EFCAB6: variants seen among roughly 807,000 people sequenced by gnomAD.
The protein encoded by EFCAB6 is EF-hand calcium-binding domain-containing protein 6.
In EFCAB6, 156 loss-of-function variants were observed where a neutral mutation model predicts 169.8. The observed-to-expected ratio is 0.92, with a 90% CI of 0.81 to 1.05. The LOEUF is 1.05. Ranked by LOEUF, EFCAB6 falls within the 50% of genes least tolerant of loss-of-function variation. The probability of loss-of-function intolerance (pLI) is 0.00; values close to 1 mark genes in which losing one functional copy is unlikely to be tolerated. For synonymous variants in EFCAB6, 698 were observed against 676.4 expected, an observed-to-expected ratio of 1.03 and a Z score of -0.50; for missense variants, 1,800 against 1,829.1, an observed-to-expected ratio of 0.98 and a Z score of 0.29.
At chr22:43,766,315 G>T (rs969479078) in intron 4 of EFCAB6, among the ~76,000 whole-genome samples, 3 of 151,830 alleles carry the variant, frequency 2.0e-5, no homozygotes, top group Non-Finnish European at 2.9e-5. Flanking sequence ...TTACAGGCAT[G>T]AGCCACCACA....
At chr22:43,599,974 G>A in intron 23 of EFCAB6, 95 bp downstream of exon 23, 4 of 1,319,486 alleles carry the variant, frequency 3.0e-6, no homozygotes, top group South Asian at 2.8e-5. Flanking sequence ...AACTTTGCCA[G>A]CATGGGAAGG....
intron 6 of EFCAB6, among the ~76,000 whole-genome samples, chr22:43,753,625 A>G (rs1466692306): frequency 3.3e-5 from 5 of 152,210 alleles, no homozygotes; most frequent in Admixed American, 2.6e-4. Flanking sequence ...GAGCATGAAC[A>G]TGAGCGTCGG....
intron 26 of EFCAB6, chr22:43,570,157 A>G (rs374492784): frequency 6.6e-6 from 1 of 152,218 alleles, no homozygotes; most frequent in East Asian, 1.9e-4. Context: ...GTTATTTAAC[A>G]TATAACTGAA....
At chr22:43,638,936 C>T (rs2055618593) in intron 17 of EFCAB6, among the ~76,000 whole-genome samples, 1 of 152,002 alleles carries the variant, frequency 6.6e-6, no homozygotes, top group Non-Finnish European at 1.5e-5. Flanking sequence ...CAGACATGTG[C>T]CACCATGCCC....
intron 19 of EFCAB6, 61 bp downstream of exon 19, chr22:43,632,044 G>A (rs2054984423): frequency 6.3e-7 from 1 of 1,588,852 alleles, no homozygotes. Context: ...ACCCACTTGG[G>A]CTGCGTGGTT....
chr22:43,683,992 G>A (rs1437482366), intron 11 of EFCAB6, 137 bp from the exon 12 acceptor site: 2 of 650,366 alleles, frequency 3.1e-6, no homozygotes, highest in Non-Finnish European at 5.4e-6. Flanking sequence ...CTGACAGTGT[G>A]CTGCACTTGT....
chr22:43,752,477 T>C (rs1299322045), intron 6 of EFCAB6, among the ~76,000 whole-genome samples: 2 of 152,180 alleles, frequency 1.3e-5, no homozygotes, highest in Non-Finnish European at 2.9e-5. Flanking sequence ...CATCCGCCCT[T>C]CTTGGGTGGC....
At chr22:43,696,438 T>C (rs1253147506) in intron 10 of EFCAB6, among the ~76,000 whole-genome samples, 1 of 152,188 alleles carries the variant, frequency 6.6e-6, no homozygotes, top group East Asian at 1.9e-4. Context: ...CCAATTTTAC[T>C]ATTAGACATG....
intron 8 of EFCAB6, among the ~76,000 whole-genome samples, chr22:43,720,348 A>AT (rs1369382822): frequency 3.4e-5 from 2 of 59,318 alleles, no homozygotes; most frequent in East Asian, 1.6e-3. Context: ...TCTACAAAAG[A>AT]TTAAAAAAAA....
At chr22:43,799,329 CCACACA>C (rs112231545) in intron 2 of EFCAB6, among the ~76,000 whole-genome samples, 4,485 of 146,622 alleles carry the variant, frequency 0.031, 67 homozygotes, top group Non-Finnish European at 0.041. Context: ...GAATCTGTCT[CCACACA>C]CACACACACA....
intron 25 of EFCAB6, among the ~76,000 whole-genome samples, chr22:43,579,550 G>T (rs1484163356): frequency 2.0e-5 from 3 of 150,300 alleles, no homozygotes; most frequent in African/African-American, 4.9e-5. Context: ...GTACACGCAG[G>T]CATCATTCCC....
At chr22:43,662,955 C>T (rs2057077195) in intron 17 of EFCAB6, among the ~76,000 whole-genome samples, 1 of 152,208 alleles carries the variant, frequency 6.6e-6, no homozygotes, top group Non-Finnish European at 1.5e-5. Context: ...TCTTGAACAG[C>T]TTAACAGCTG....
At chr22:43,567,997 C>T (rs1032682759) in intron 26 of EFCAB6, among the ~76,000 whole-genome samples, 1 of 152,264 alleles carries the variant, frequency 6.6e-6, no homozygotes, top group Non-Finnish European at 1.5e-5. Context: ...CTCAGCAACA[C>T]TGACCAGGGC....
At position 43,537,651 on chromosome 22, in the gene EFCAB6, G is replaced by T; in HGVS notation, c.3880-106C>A. 1 of 1,256,902 alleles carries T rather than the reference G, an allele frequency of 8.0e-7. No homozygotes were observed. Among genetic ancestry groups the T allele is most frequent in the Non-Finnish European group, 1.1e-6 (1 of 933,034 alleles). 77.9% of individuals were successfully genotyped at this position (1,256,902 alleles called of 1,614,324 possible). On this transcript the variant is annotated intron_variant, in intron 28 of 31. Coordinates refer to ENST00000262726, the MANE Select transcript of EFCAB6 (RefSeq NM_022785.4). This position sits in a 1 kb window ranked among gnomAD's most constrained non-coding sequence, Gnocchi z 4.3. ...TTTGAGGTTCACAATTTTAGAGGCA[G>T]AATTAGCCCAGAAATAAAATGAAGA... is the stretch of plus-strand genomic sequence containing the variant.
At chr22:43,543,639 G>A (rs2147095583) in intron 27 of EFCAB6, among the ~76,000 whole-genome samples, 1 of 152,256 alleles carries the variant, frequency 6.6e-6, no homozygotes, top group East Asian at 1.9e-4. Flanking sequence ...GGTCTGAGGG[G>A]ATGAGCCCAA....
chr22:43,738,057 C>T (rs2060222354), intron 6 of EFCAB6, among the ~76,000 whole-genome samples: 1 of 151,140 alleles, frequency 6.6e-6, no homozygotes, highest in African/African-American at 2.4e-5. Context: ...TTCACACCAT[C>T]ACTCAAATAT....
Position 43,672,036 on chromosome 22 carries a change from C to T in EFCAB6, c.1577G>A (p.Arg526Gln), listed in dbSNP as rs775668652. Reference sequence around the variant, plus strand: ...GTGCATGATTTTCTTGAAATTATTTCGGCCAATGCGCCCTGTGTCTCCAAG... The same window carrying T: ...GTGCATGATTTTCTTGAAATTATTTTGGCCAATGCGCCCTGTGTCTCCAAG... ...YDLGDTGRIG[R>Q]NNFKKIMHVF... is the part of the protein sequence containing the mutation. The change falls in exon 15 of 32, where the codon CGA becomes CAA. Residue 526 changes from arginine (R) to glutamine (Q), a missense_variant. By Grantham distance (43) the Arg-to-Gln change is conservative. Coordinates refer to ENST00000262726, the MANE Select transcript of EFCAB6 (RefSeq NM_022785.4). 6.8e-6 allele frequency: 11 copies of T among 1,613,986 alleles called. No individual in the cohort carries two copies. Among genetic ancestry groups the T allele is most frequent in the African/African-American group, 1.3e-5 (1 of 74,920 alleles).
At position 43,530,983 on chromosome 22, in the gene EFCAB6, G is replaced by C. The variant is rs376979584; in HGVS notation, c.4234-19C>G. 2.2e-5 allele frequency: 32 copies of C among 1,438,334 alleles called. No homozygotes were observed. The highest frequency in any genetic ancestry group is 2.9e-5 in the Non-Finnish European group (30 of 1,040,544). 89.1% of individuals were successfully genotyped at this position (1,438,334 alleles called of 1,614,324 possible). ...CTTCTTTCTAGACACAAGACAAGAAGGGGTGAGGAGGGAGCTTTTGAACAC... is the reference window on the plus strand; with the variant it reads ...CTTCTTTCTAGACACAAGACAAGAACGGGTGAGGAGGGAGCTTTTGAACAC... On this transcript the variant is annotated intron_variant, in intron 30 of 31. Transcript: ENST00000262726.
chr22:43,711,706 C>G, intron 9 of EFCAB6, 83 bp from the exon 10 acceptor site: 1 of 1,503,008 alleles, frequency 6.7e-7, no homozygotes, highest in South Asian at 1.3e-5. Context: ...TTACCAAAAA[C>G]CTCTTCAAAT....
Sources: gnomAD v4.1 joint callset for allele counts (sites outside exome capture counted in the v4.1 genomes callset) on GRCh38, gnomAD v4.1.1 for gene constraint, Gnocchi (gnomAD v3.1) non-coding constraint, MANE v1.5 for transcripts, NCBI Gene and HGNC (gene_info 2026-07-23, HGNC 2026-07-21) for gene names.